Variants in DNAH3 observed in about 807,000 individuals in gnomAD.
The protein encoded by DNAH3 is axonemal beta dynein heavy chain 3.
DNAH3 carries 332 observed loss-of-function variants against 432.5 expected under a neutral mutation model. The ratio of observed to expected loss-of-function variants is 0.77; its 90% CI spans 0.70 to 0.84. DNAH3 has a LOEUF of 0.84. Ranked by LOEUF, DNAH3 falls within the 40% of genes least tolerant of loss-of-function variation. DNAH3 has a pLI of 0.00. For synonymous variants in DNAH3, 1,956 were observed against 1,900.2 expected, an observed-to-expected ratio of 1.03 and a Z score of -0.76; for missense variants, 4,861 against 5,114.0, an observed-to-expected ratio of 0.95 and a Z score of 1.51.
intron 23 of DNAH3, among the ~76,000 whole-genome samples, chr16:21,068,136 T>C (rs2090638553): frequency 6.6e-6 from 1 of 152,148 alleles, no homozygotes; most frequent in African/African-American, 2.4e-5. Flanking sequence ...TGATCACACT[T>C]GACTTAAGAA....
At chr16:20,975,193 G>T (rs746207879) in intron 51 of DNAH3, 40 bp downstream of exon 51, 1 of 1,605,916 alleles carries the variant, frequency 6.2e-7, no homozygotes, top group South Asian at 1.1e-5. Flanking sequence ...ACGCTCATTC[G>T]GCAGCACCAG....
At chr16:21,139,076 C>T (rs1347208584) in intron 5 of DNAH3, among the ~76,000 whole-genome samples, 1 of 152,112 alleles carries the variant, frequency 6.6e-6, no homozygotes, top group Non-Finnish European at 1.5e-5. Flanking sequence ...ACCCACAAGA[C>T]ATTTGCTCTA....
chr16:20,987,822 A>C (rs200401139), exon 46 of DNAH3: 8 of 1,614,198 alleles, frequency 5.0e-6, no homozygotes, highest in Middle Eastern at 1.6e-4. Flanking sequence ...AAATTGTCTT[A>C]GTAGCTTGGA....
At chr16:20,952,492 A>C (rs749449495) in exon 56 of DNAH3, 7 of 1,613,620 alleles carry the variant, frequency 4.3e-6, no homozygotes, top group Non-Finnish European at 5.9e-6. Context: ...AAACATCTGG[A>C]TCTGCCACAT....
intron 18 of DNAH3, among the ~76,000 whole-genome samples, chr16:21,090,385 AAC>A (rs199994179): frequency 0.038 from 5,744 of 151,708 alleles, 362 homozygotes; most frequent in African/African-American, 0.13. Flanking sequence ...AAAAAAAAAA[AAC>A]CCTACAGACC....
chr16:21,001,076 G>T (rs764460969), intron 42 of DNAH3, among the ~76,000 whole-genome samples: 1 of 152,178 alleles, frequency 6.6e-6, no homozygotes, highest in Non-Finnish European at 1.5e-5. Context: ...ATCTGTGCTT[G>T]TTTCTGATCT....
intron 57 of DNAH3, among the ~76,000 whole-genome samples, chr16:20,945,814 CT>C (rs1388661251): frequency 6.6e-6 from 1 of 152,102 alleles, no homozygotes; most frequent in Admixed American, 6.6e-5. Flanking sequence ...AATTAACTTG[CT>C]TTTGTTGTAC....
chr16:21,108,579 C>CA (rs955926984), intron 14 of DNAH3, among the ~76,000 whole-genome samples: 18 of 151,906 alleles, frequency 1.2e-4, no homozygotes, highest in African/African-American at 4.4e-4. Context: ...TCCATCACTA[C>CA]AAAAAATGCA....
At chr16:20,978,178 C>T (rs2085683479) in intron 50 of DNAH3, among the ~76,000 whole-genome samples, 1 of 152,184 alleles carries the variant, frequency 6.6e-6, no homozygotes. Context: ...CTTACTTCAT[C>T]TTCATAACAG....
In DNAH3 at chr16:21,054,492, G is replaced by A. The variant is rs976007808; in HGVS notation, c.3967C>T (p.Gln1323Ter). ...CTGCTCAGCTTCCCTCGCACCAGCT[G>A]GACAATCTGCGCAATCTGATCATTG... Residue 1323 changes from glutamine to a stop codon, truncating the protein, a stop_gained, in exon 28 of 62, where the codon CAG becomes TAG. Transcript: ENST00000261383. LOFTEE classifies it high-confidence loss of function. 10 of 1,614,030 alleles carry A rather than the reference G, an allele frequency of 6.2e-6. No individual in the cohort carries two copies. In the African/African-American group the frequency reaches 1.2e-4, roughly 19 times the overall value.
chr16:21,151,619 A>C (rs1171802298), intron 1 of DNAH3, among the ~76,000 whole-genome samples: 2 of 152,080 alleles, frequency 1.3e-5, no homozygotes, highest in African/African-American at 2.4e-5. Flanking sequence ...TTTAACACTA[A>C]GTCCTGCATC....
intron 39 of DNAH3, among the ~76,000 whole-genome samples, chr16:21,023,085 A>AT (rs1239166961): frequency 1.3e-5 from 2 of 152,060 alleles, no homozygotes; most frequent in Admixed American, 1.3e-4. Context: ...CCCTATACAC[A>AT]TTTTTTTTAA....
intron 52 of DNAH3, among the ~76,000 whole-genome samples, chr16:20,966,228 G>A (rs558350371): frequency 2.7e-5 from 4 of 148,496 alleles, no homozygotes; most frequent in Non-Finnish European, 4.5e-5. Flanking sequence ...TAGTAGAGAC[G>A]GGGTTTCACC....
chr16:20,976,395 G>A lies in DNAH3; in HGVS notation c.8077-980C>T, dbSNP rs144642474. Among the ~76,000 whole-genome samples the A allele has an allele frequency of 5.9e-3, 896 of 152,102 alleles. 10 individuals are homozygous for A. Among genetic ancestry groups the A allele is most frequent in the African/African-American group, 0.02 (845 of 41,490 alleles). ...TTTAGTAGAGATGGGGTTTCACCAT[G>A]TTGGCCAGACTGGTCTTGAATTCCT... On this transcript the variant is annotated intron_variant, in intron 50 of 61. Transcript: ENST00000261383.
At chr16:21,020,552 G>A (rs964060453) in intron 40 of DNAH3, among the ~76,000 whole-genome samples, 4 of 148,730 alleles carry the variant, frequency 2.7e-5, no homozygotes, top group African/African-American at 5.0e-5. Flanking sequence ...ACAGGCACCC[G>A]CCACCTCACC....
chr16:21,123,484 G>A (rs1205260986), intron 9 of DNAH3, among the ~76,000 whole-genome samples: 1 of 152,124 alleles, frequency 6.6e-6, no homozygotes, highest in African/African-American at 2.4e-5. Flanking sequence ...CCACCCCTGG[G>A]TTTCTTATGC....
exon 29 of DNAH3, chr16:21,051,778 G>A (rs369767359): frequency 2.6e-5 from 42 of 1,613,884 alleles, no homozygotes; most frequent in Non-Finnish European, 3.4e-5. Flanking sequence ...CACATCCTTG[G>A]CCACCCAGTA....
chr16:21,002,661 A>G (rs1465380869), intron 42 of DNAH3, among the ~76,000 whole-genome samples: 1 of 152,084 alleles, frequency 6.6e-6, no homozygotes, highest in Non-Finnish European at 1.5e-5. Context: ...CGGTTTCACC[A>G]TGTTGGCCAG....
intron 1 of DNAH3, among the ~76,000 whole-genome samples, chr16:21,149,462 C>T (rs571232079): frequency 6.6e-6 from 1 of 152,312 alleles, no homozygotes. Context: ...TTGGGTAGAA[C>T]TGTCACTTTG....
Sources: allele counts gnomAD v4.1 joint callset (sites outside exome capture counted in the v4.1 genomes callset), GRCh38; gene constraint gnomAD v4.1.1; transcripts MANE v1.5; gene names NCBI Gene and HGNC (gene_info 2026-07-23, HGNC 2026-07-21).